SHQ1: variants seen among roughly 807,000 people sequenced by gnomAD.
The protein encoded by SHQ1 is SHQ1, H/ACA ribonucleoprotein assembly factor.
Under a neutral mutation model 53.8 loss-of-function variants are expected in SHQ1, and 49 were observed. The ratio of observed to expected loss-of-function variants is 0.91; its 90% confidence interval spans 0.72 to 1.16. SHQ1 has a LOEUF of 1.16. SHQ1 is among the 50% of genes most tolerant of loss of function. SHQ1 has a pLI of 0.00. For missense variants in SHQ1, 738 were observed against 683.1 expected, an observed-to-expected ratio of 1.08 and a Z score of -0.90; for synonymous variants, 243 against 251.0, an observed-to-expected ratio of 0.97 and a Z score of 0.30.
chr3:72,804,850 T>C (rs898560278), intron 9 of SHQ1, among the ~76,000 whole-genome samples: 1 of 152,198 alleles, frequency 6.6e-6, no homozygotes, highest in African/African-American at 2.4e-5. Flanking sequence ...GAGTGAGACC[T>C]TGTCCCTAAA....
rs760270276 is a variant in SHQ1 at position 72,832,450 on chromosome 3, T to C, written c.518A>G (p.Asp173Gly). 1.1e-5 allele frequency: 18 copies of C among 1,612,604 alleles called. No homozygotes were observed. The highest frequency in any genetic ancestry group is 1.4e-5 in the Non-Finnish European group (17 of 1,179,836). Residue 173 changes from aspartate (D) to glycine (G), a missense_variant, in exon 5 of 11, where the codon GAT becomes GGT. Coordinates refer to ENST00000325599, the MANE Select transcript of SHQ1 (RefSeq NM_018130.3). ...TTCAGCTGCAGGGGTGAAATCTGGA[T>C]CCTTAATATCAATAACATCACTCAG... ...DELSDVIDIK[D>G]PDFTPAAERR...
intron 9 of SHQ1, among the ~76,000 whole-genome samples, chr3:72,798,934 G>A (rs973019871): frequency 6.6e-6 from 1 of 152,168 alleles, no homozygotes; most frequent in Non-Finnish European, 1.5e-5. Flanking sequence ...GCCCTTTGAA[G>A]TTTTGAGTTA....
the SHQ1 span, among the ~76,000 whole-genome samples, chr3:72,741,896 A>G: frequency 2.6e-5 from 4 of 152,248 alleles, no homozygotes; most frequent in South Asian, 2.1e-4. Context: ...ATTAGGTATT[A>G]TAAGTAATCT....
In SHQ1 at chr3:72,848,213, T is replaced by C; in HGVS notation, c.128A>G (p.Lys43Arg). 2 of 1,614,170 alleles carry C rather than the reference T, an allele frequency of 1.2e-6. No individual in the cohort carries two copies. Among genetic ancestry groups the C allele is most frequent in the Non-Finnish European group, 1.7e-6 (2 of 1,180,030 alleles). Residue 43 changes from lysine to arginine, a missense_variant, in exon 1 of 11, where the codon AAG becomes AGG. By Grantham distance (26) the Lys-to-Arg change is conservative. Transcript: ENST00000325599. ...CCGAACTCGCCTGAGAAAGTATGGC[T>C]TGGCGTAGAACTTGAAGTCAGACCC... ...FEGSDFKFYA[K>R]PYFLRLTLPG...
At position 72,842,356 on chromosome 3, in the gene SHQ1, A is replaced by C; in HGVS notation, c.255T>G (p.Phe85Leu). Residue 85 changes from phenylalanine to leucine, a missense_variant, in exon 3 of 11, where the codon TTT (phenylalanine) becomes TTG (leucine). Transcript: ENST00000325599. ...GAGCAGTTAACATGTTCAGCCCCTCAAAATGCTGGCCAGGGGTTTCTTTGG... is the reference window on the plus strand; with the variant it reads ...GAGCAGTTAACATGTTCAGCCCCTCCAAATGCTGGCCAGGGGTTTCTTTGG... ...RLPKETPGQH[F>L]EGLNMLTALL... 1 of 1,613,956 alleles carries C rather than the reference A, an allele frequency of 6.2e-7. No homozygotes were observed. Among genetic ancestry groups the C allele is most frequent in the Non-Finnish European group, 8.5e-7 (1 of 1,179,882 alleles).
chr3:72,750,320 A>C lies in SHQ1; in HGVS notation c.1698T>G (p.Ile566Met). ...KGTTAVNRSN[I>M]QERDGCQTPN... ...GTGTCTGACAGCCGTCTCTCTCCTG[A>C]ATATTGCTGCGGTTTACAGCAGTGG... The change falls in exon 11 of 11, where the codon ATT becomes ATG. Residue 566 changes from isoleucine to methionine, a missense_variant. By Grantham distance (10) the Ile-to-Met change is conservative. Coordinates refer to ENST00000325599, the MANE Select transcript of SHQ1 (RefSeq NM_018130.3). The C allele has an allele frequency of 6.2e-7, 1 of 1,613,748 alleles. No homozygotes were observed. Among genetic ancestry groups the C allele is most frequent in the Non-Finnish European group, 8.5e-7 (1 of 1,179,940 alleles).
intron 6 of SHQ1, among the ~76,000 whole-genome samples, chr3:72,822,618 A>G (rs1162492852): frequency 6.6e-6 from 1 of 152,256 alleles, no homozygotes; most frequent in Non-Finnish European, 1.5e-5. Flanking sequence ...CCTCATTAAA[A>G]TACCGTGCTA....
intron 6 of SHQ1, among the ~76,000 whole-genome samples, chr3:72,820,209 C>T (rs1707435637): frequency 6.6e-6 from 1 of 152,142 alleles, no homozygotes; most frequent in Admixed American, 6.5e-5. Context: ...AAAAGTTGAC[C>T]TAGGCAATGT....
the SHQ1 span, among the ~76,000 whole-genome samples, chr3:72,742,877 C>A: frequency 1.3e-5 from 2 of 152,148 alleles, no homozygotes; most frequent in Non-Finnish European, 2.9e-5. Context: ...CGGCTTCGAT[C>A]CACCTGCCTC....
chr3:72,846,129 G>C, intron 1 of SHQ1: 1 of 1,316,604 alleles, frequency 7.6e-7, no homozygotes, highest in Non-Finnish European at 1.1e-6. Flanking sequence ...TTCAGAAAAT[G>C]TGAGCTATTA....
At chr3:72,794,307 CT>C (rs1433133060) in intron 9 of SHQ1, 1 of 152,192 alleles carries the variant, frequency 6.6e-6, no homozygotes, top group Admixed American at 6.5e-5. Context: ...ATAATTAACA[CT>C]AGAAAGTAAG....
intron 10 of SHQ1, among the ~76,000 whole-genome samples, chr3:72,762,349 A>G (rs1705629449): frequency 6.6e-6 from 1 of 152,210 alleles, no homozygotes. Context: ...ATGTCCATAA[A>G]GAACTGTGTG....
chr3:72,799,872 C>A (rs1319394914), intron 9 of SHQ1, among the ~76,000 whole-genome samples: 1 of 152,122 alleles, frequency 6.6e-6, no homozygotes, highest in African/African-American at 2.4e-5. Flanking sequence ...TCATAATTTA[C>A]CATCTATCCA....
At chr3:72,744,915 T>G (rs865997192), downstream of SHQ1, among the ~76,000 whole-genome samples, 38 of 115,512 alleles carry the variant, frequency 3.3e-4, no homozygotes, top group South Asian at 7.1e-3. Context: ...ACAGGTCATT[T>G]GATACATTGG....
chr3:72,827,092 G>A (rs1242769515), intron 5 of SHQ1, among the ~76,000 whole-genome samples: 1 of 152,128 alleles, frequency 6.6e-6, no homozygotes. Context: ...CAGGTTGTAG[G>A]GAATGAAGAG....
intron 10 of SHQ1, among the ~76,000 whole-genome samples, chr3:72,766,029 C>T (rs575449885): frequency 1.3e-5 from 2 of 152,208 alleles, no homozygotes; most frequent in South Asian, 4.1e-4. Context: ...GAAAAAACAA[C>T]ACAGAACTCA....
chr3:72,806,549 T>C (rs1706952847), intron 9 of SHQ1, among the ~76,000 whole-genome samples: 1 of 152,256 alleles, frequency 6.6e-6, no homozygotes, highest in Middle Eastern at 3.4e-3. Context: ...ATTTAAAAAG[T>C]AGAGACATAA....
chr3:72,751,755 T>A (rs1194396135), intron 10 of SHQ1, among the ~76,000 whole-genome samples: 2 of 151,906 alleles, frequency 1.3e-5, no homozygotes, highest in Non-Finnish European at 2.9e-5. Context: ...ACCCAAACAT[T>A]TGATATTATT....
rs745584423 is a variant in SHQ1, at chr3:72,750,540, C to A, written c.1478G>T (p.Gly493Val). ...SPSETVSSLQ[G>V]PFLEESSAFL... ...GGCACTGCTTTCTTCAAGAAAGGGACCTTGCAAAGAACTGACTGTCTCAGA... is the reference window on the plus strand; with the variant it reads ...GGCACTGCTTTCTTCAAGAAAGGGAACTTGCAAAGAACTGACTGTCTCAGA... The change falls in exon 11 of 11, where the codon GGT becomes GTT. Residue 493 changes from glycine to valine, a missense_variant. Gly to Val is a moderately radical substitution (Grantham distance 109). Coordinates refer to ENST00000325599, the MANE Select transcript of SHQ1 (RefSeq NM_018130.3). 1.9e-6 allele frequency: 3 copies of A among 1,614,086 alleles called. No individual in the cohort carries two copies. The African/African-American group carries it at 4.0e-5, about 22-fold the overall frequency.
Sources: gnomAD v4.1 joint callset for allele counts (sites outside exome capture counted in the v4.1 genomes callset) on GRCh38, gnomAD v4.1.1 for gene constraint, MANE v1.5 for transcripts, NCBI Gene and HGNC (gene_info 2026-07-23, HGNC 2026-07-21) for gene names.